The following MEOX1 variants were observed in gnomAD, a reference collection of about 807,000 sequenced individuals.
MEOX1 encodes homeobox protein MOX-1.
In MEOX1, 17 loss-of-function variants were observed where a neutral mutation model predicts 23.2. The observed-to-expected ratio is 0.73, with a 90% CI of 0.50 to 1.10. MEOX1 has a LOEUF of 1.10. Among genes scored for constraint, MEOX1 ranks in the 50% least tolerant of loss-of-function variants. The pLI is 0.00. For missense variants in MEOX1, 333 were observed against 332.2 expected (o/e 1.00, Z -0.02); for synonymous variants, 134 against 135.1 (o/e 0.99, Z 0.06).
intron 1 of MEOX1, among the ~76,000 whole-genome samples, chr17:43,646,236 G>T (rs1393052048): frequency 6.6e-6 from 1 of 152,152 alleles, no homozygotes; most frequent in African/African-American, 2.4e-5. Flanking sequence ...GGGCAGCAGG[G>T]AAGGACGCGC....
chr17:43,651,869 C>T (rs547005243), intron 1 of MEOX1, among the ~76,000 whole-genome samples: 1 of 152,332 alleles, frequency 6.6e-6, no homozygotes, highest in South Asian at 2.1e-4. Flanking sequence ...TCTTACAGCT[C>T]ACGGGCTCAT....
At chr17:43,650,892 C>T (rs1288542776) in intron 1 of MEOX1, among the ~76,000 whole-genome samples, 1 of 152,188 alleles carries the variant, frequency 6.6e-6, no homozygotes, top group African/African-American at 2.4e-5. Flanking sequence ...GAGCCCTGCC[C>T]CACCCCAGTG....
At chr17:43,648,342 G>A (rs1245545571) in intron 1 of MEOX1, among the ~76,000 whole-genome samples, 2 of 151,942 alleles carry the variant, frequency 1.3e-5, no homozygotes, top group African/African-American at 4.8e-5. Context: ...GGTGGCGGGC[G>A]CCTGTAGTCC....
In MEOX1 at chr17:43,640,740, G is replaced by A. The variant is rs1972677411; in HGVS notation, c.*1170C>T. On this transcript the variant is annotated 3_prime_UTR_variant, in exon 3 of 3. Transcript: ENST00000318579. The stretch of plus-strand genomic sequence containing the variant: ...CAGTCCTCAAATGTCATCTCCAGAA[G>A]ACCTGGCTGAGGTCTGGGCAGTCCA... 1 of 152,186 alleles carries A rather than the reference G, an allele frequency of 6.6e-6. No individual in the cohort carries two copies. The allele number at this position is 152,186 out of a possible 1,614,324, so 9.4% of individuals were successfully genotyped here.
In MEOX1 at chr17:43,641,913, C is replaced by T; in HGVS notation, c.762G>A (p.Glu254=). 1 of 1,612,410 alleles carries T rather than the reference C, an allele frequency of 6.2e-7. No individual in the cohort carries two copies. The highest frequency in any genetic ancestry group is 8.5e-7 in the Non-Finnish European group (1 of 1,179,306). ...CATTTTTCCTCCATGCAGAATCTCA[C>T]TCTGAACTTGGAGAGGCTGTGGAGT... ...DGDSTASPSS[E] The change falls in exon 3 of 3, where the codon GAG becomes GAA. Residue 254 remains glutamate, a synonymous_variant. Transcript: ENST00000318579.
chr17:43,643,569 C>T lies in MEOX1; in HGVS notation c.561G>A (p.Glu187=). Residue 187 remains glutamate, a synonymous_variant, in exon 2 of 3, where the codon GAG becomes GAA. Coordinates refer to ENST00000318579, the MANE Select transcript of MEOX1 (RefSeq NM_004527.4). ...AFTKEQLREL[E]AEFAHHNYLT... ...GGTAGTTATGATGGGCAAACTCTGC[C>T]TCCAGCTCTCGCAGCTGCTCCTTGG... The T allele has an allele frequency of 6.2e-7, 1 of 1,612,670 alleles. No homozygotes were observed. Among genetic ancestry groups the T allele is most frequent in the Non-Finnish European group, 8.5e-7 (1 of 1,179,542 alleles).
In MEOX1 at chr17:43,647,961, C is replaced by T. The variant is rs1972841534; in HGVS notation, c.470-4301G>A. On this transcript the variant is annotated intron_variant, in intron 1 of 2. Coordinates refer to ENST00000318579, the MANE Select transcript of MEOX1 (RefSeq NM_004527.4). ...AACTTCCCAGAGTGGGATCAACGTTCACCACTGTTGGAAATGATGAAGGGA... is the reference window on the plus strand; with the variant it reads ...AACTTCCCAGAGTGGGATCAACGTTTACCACTGTTGGAAATGATGAAGGGA... 2.0e-5 allele frequency among the ~76,000 whole-genome samples: 3 copies of T among 152,190 alleles called. No individual in the cohort carries two copies. In the South Asian group the frequency reaches 6.2e-4, roughly 32 times the overall value.
Position 43,655,271 on chromosome 17 carries a change from G to A in MEOX1, c.469+5795C>T, listed in dbSNP as rs111786762. Among the ~76,000 whole-genome samples, 143 of 151,668 alleles carry A rather than the reference G, an allele frequency of 9.4e-4. 1 individual carries two copies. The highest frequency in any genetic ancestry group is 3.3e-3 in the African/African-American group (138 of 41,342). On this transcript the variant is annotated intron_variant, in intron 1 of 2. Coordinates refer to ENST00000318579, the MANE Select transcript of MEOX1 (RefSeq NM_004527.4). ...GCAGATCACAAGGTCAAGAAATTGA[G>A]ACTATCCTGGCCAACATGGTGAAAC...
Position 43,660,848 on chromosome 17 carries a change from T to C in MEOX1, c.469+218A>G, listed in dbSNP as rs12450948. On this transcript the variant is annotated intron_variant, in intron 1 of 2. Transcript: ENST00000318579. ...TTTCATTCTCTTGCTGGACACCCTT[T>C]CTGGGGCCCAGGAGTGCTGGGACAC... Among the ~76,000 whole-genome samples, 103,845 of 151,964 alleles carry C rather than the reference T, an allele frequency of 0.68. 35,975 individuals are homozygous for C. Among genetic ancestry groups the C allele is most frequent in the East Asian group, 0.87 (4,445 of 5,132 alleles).
chr17:43,642,064 C>A (rs1021186099), intron 2 of MEOX1, 32 bp from the exon 3 acceptor site: 2 of 1,598,834 alleles, frequency 1.3e-6, no homozygotes, highest in African/African-American at 2.7e-5. Context: ...CCTGGTCACT[C>A]CAGGGCCGGT....
chr17:43,658,590 A>G (rs1391818969), intron 1 of MEOX1, among the ~76,000 whole-genome samples: 2 of 152,110 alleles, frequency 1.3e-5, no homozygotes, highest in Non-Finnish European at 2.9e-5. Context: ...ACAAAATATC[A>G]CAATTTTGGA....
intron 1 of MEOX1, among the ~76,000 whole-genome samples, chr17:43,659,070 G>C (rs577343997): frequency 6.6e-6 from 1 of 152,152 alleles, no homozygotes; most frequent in Non-Finnish European, 1.5e-5. Flanking sequence ...CAGGGCCATC[G>C]GCCACTCGCC....
intron 1 of MEOX1, among the ~76,000 whole-genome samples, chr17:43,657,012 C>T (rs755906781): frequency 1.2e-4 from 13 of 105,144 alleles, no homozygotes; most frequent in South Asian, 3.2e-4. Context: ...TTCTTTCTTT[C>T]TCTTTCTTTC....
chr17:43,652,996 T>A (rs1972947191), intron 1 of MEOX1, among the ~76,000 whole-genome samples: 1 of 151,656 alleles, frequency 6.6e-6, no homozygotes. Context: ...CACGCTTGGC[T>A]AATTTTTTTA....
chr17:43,660,434 T>C (rs1195024734), intron 1 of MEOX1, among the ~76,000 whole-genome samples: 2 of 152,148 alleles, frequency 1.3e-5, no homozygotes, highest in African/African-American at 2.4e-5. Flanking sequence ...TCTGTCCCCT[T>C]GGCCTGGACA....
chr17:43,653,351 G>T (rs1356046234), intron 1 of MEOX1, among the ~76,000 whole-genome samples: 1 of 150,446 alleles, frequency 6.6e-6, no homozygotes, highest in Non-Finnish European at 1.5e-5. Flanking sequence ...TGTTGGTCAG[G>T]CTGGTCTCAA....
chr17:43,656,566 A>C (rs371810296), intron 1 of MEOX1, among the ~76,000 whole-genome samples: 2 of 152,288 alleles, frequency 1.3e-5, no homozygotes, highest in East Asian at 3.9e-4. Context: ...CTGGGAACAC[A>C]CGTGTTGGAG....
At chr17:43,657,644 C>A (rs1973064086) in intron 1 of MEOX1, among the ~76,000 whole-genome samples, 1 of 152,144 alleles carries the variant, frequency 6.6e-6, no homozygotes, top group Non-Finnish European at 1.5e-5. Flanking sequence ...CTCAGCCACT[C>A]AATATGGGGT....
intron 1 of MEOX1, among the ~76,000 whole-genome samples, chr17:43,656,871 T>C (rs1252739285): frequency 2.0e-5 from 3 of 151,840 alleles, no homozygotes; most frequent in Non-Finnish European, 4.4e-5. Flanking sequence ...TTAATCCCCA[T>C]TGGCCTGGGG....
Sources: gnomAD v4.1 joint callset for allele counts (sites outside exome capture counted in the v4.1 genomes callset) on GRCh38, gnomAD v4.1.1 for gene constraint, MANE v1.5 for transcripts, NCBI Gene and HGNC (gene_info 2026-07-23, HGNC 2026-07-21) for gene names.